AUTS2: variants seen among roughly 807,000 people sequenced by gnomAD.
AUTS2 encodes autism susceptibility gene 2 protein.
A neutral mutation model predicts 112.4 loss-of-function variants in AUTS2; 17 were observed. The ratio of observed to expected loss-of-function variants is 0.15; its 90% CI spans 0.10 to 0.23. The LOEUF is 0.23. Among genes scored for constraint, AUTS2 ranks in the 10% least tolerant of loss-of-function variants. The probability of loss-of-function intolerance (pLI) is 1.00; values close to 1 mark genes in which losing one functional copy is unlikely to be tolerated. For synonymous variants in AUTS2, 751 were observed against 702.7 expected (o/e 1.07, Z -1.09); for missense variants, 1,510 against 1,701.6 (o/e 0.89, Z 1.98).
At chr7:70,658,009 G>A (rs1459481422) in intron 5 of AUTS2, among the ~76,000 whole-genome samples, 1 of 152,140 alleles carries the variant, frequency 6.6e-6, no homozygotes, top group Non-Finnish European at 1.5e-5. Flanking sequence ...TACTCTATCT[G>A]CCCAAGAAAG....
intron 2 of AUTS2, among the ~76,000 whole-genome samples, chr7:69,962,458 AAG>A (rs1408288810): frequency 6.6e-6 from 1 of 152,192 alleles, no homozygotes; most frequent in Non-Finnish European, 1.5e-5. Flanking sequence ...ATGAGTAGGA[AAG>A]AGCATGGGGC....
Position 70,694,663 on chromosome 7 carries a change from C to A in AUTS2, c.691-3906C>A, listed in dbSNP as rs1207894173. On this transcript the variant is annotated intron_variant, in intron 5 of 18. Coordinates refer to ENST00000342771, the MANE Select transcript of AUTS2 (RefSeq NM_015570.4). The surrounding 1 kb of genome is among the most constrained non-coding windows in gnomAD (Gnocchi z 4.1). ...CCGGCCCGGGACGCGCCTTGTTAGCCCCCGCCGCGCCAGCGCGGCCCCGCG... is the reference window on the plus strand; with the variant it reads ...CCGGCCCGGGACGCGCCTTGTTAGCACCCGCCGCGCCAGCGCGGCCCCGCG... 6.8e-6 allele frequency: 1 copy of A among 147,666 alleles called. No homozygotes were observed. Among genetic ancestry groups the A allele is most frequent in the African/African-American group, 2.4e-5 (1 of 40,864 alleles). 9.1% of individuals were successfully genotyped at this position (147,666 alleles called of 1,614,324 possible). A position where few individuals can be genotyped will look rare whatever the true frequency, so the allele number is the denominator to read the frequency against.
intron 1 of AUTS2, among the ~76,000 whole-genome samples, chr7:69,753,351 T>C (rs6460528): frequency 0.63 from 92,439 of 147,086 alleles, 28,694 homozygotes; most frequent in East Asian, 0.78. Context: ...TTCCTGTTGA[T>C]CTGTTTTTTT....
At chr7:69,937,287 G>A (rs1298269522) in intron 2 of AUTS2, among the ~76,000 whole-genome samples, 1 of 152,210 alleles carries the variant, frequency 6.6e-6, no homozygotes, top group Non-Finnish European at 1.5e-5. Flanking sequence ...AAGAGATTAA[G>A]AAGTAGATTT....
At chr7:70,080,064 G>A (rs1236459513) in intron 2 of AUTS2, among the ~76,000 whole-genome samples, 1 of 151,844 alleles carries the variant, frequency 6.6e-6, no homozygotes, top group East Asian at 1.9e-4. Context: ...TTGCACTTGG[G>A]GTTAAGTTTG....
intron 4 of AUTS2, among the ~76,000 whole-genome samples, chr7:70,225,487 A>G (rs546847972): frequency 6.6e-6 from 1 of 152,178 alleles, no homozygotes; most frequent in South Asian, 2.1e-4. Context: ...TTGTCATATG[A>G]AAAGTTGTAA....
chr7:70,774,905 T>G (rs1790589794), intron 12 of AUTS2: 1 of 162,238 alleles, frequency 6.2e-6, no homozygotes, highest in Non-Finnish European at 1.3e-5. Context: ...TGTAAAGTCA[T>G]CAATGTAAGG....
At chr7:70,565,844 T>A (rs1801686981) in intron 5 of AUTS2, among the ~76,000 whole-genome samples, 1 of 152,258 alleles carries the variant, frequency 6.6e-6, no homozygotes, top group African/African-American at 2.4e-5. Flanking sequence ...TCATGGACTC[T>A]GAACCCTTTG....
At chr7:70,414,448 TACTC>T (rs902026201) in intron 4 of AUTS2, among the ~76,000 whole-genome samples, 31 of 152,298 alleles carry the variant, frequency 2.0e-4, no homozygotes, top group African/African-American at 6.7e-4. Context: ...TGGGCACAGA[TACTC>T]AGTCAGCTCT....
At chr7:69,726,047 A>T (rs560748501) in intron 1 of AUTS2, among the ~76,000 whole-genome samples, 47 of 152,190 alleles carry the variant, frequency 3.1e-4, no homozygotes, top group Admixed American at 5.9e-4. Flanking sequence ...TTTTTTTAGG[A>T]TATTGTTTAC....
At chr7:69,842,253 A>G (rs1020100017) in intron 1 of AUTS2, among the ~76,000 whole-genome samples, 5 of 151,264 alleles carry the variant, frequency 3.3e-5, no homozygotes, top group Admixed American at 2.6e-4. Context: ...GGATTTTTTT[A>G]AAAAAAGACT....
intron 4 of AUTS2, among the ~76,000 whole-genome samples, chr7:70,370,636 T>C (rs1279267677): frequency 1.3e-5 from 2 of 152,240 alleles, no homozygotes; most frequent in Non-Finnish European, 2.9e-5. Flanking sequence ...AAAATGCTGT[T>C]ACAAACATTC....
chr7:70,497,344 C>T (rs1230618850), intron 5 of AUTS2, among the ~76,000 whole-genome samples: 1 of 151,874 alleles, frequency 6.6e-6, no homozygotes, highest in Admixed American at 6.6e-5. Context: ...CGTACACAGT[C>T]GCACAGACAC....
chr7:70,311,650 G>T (rs936080145), intron 4 of AUTS2, among the ~76,000 whole-genome samples: 1 of 152,106 alleles, frequency 6.6e-6, no homozygotes, highest in South Asian at 2.1e-4. Context: ...TCTGCCTCCC[G>T]CATTCAAGCG....
At chr7:70,118,269 T>C (rs79512602) in intron 3 of AUTS2, 36 bp downstream of exon 3, 2 of 1,336,382 alleles carry the variant, frequency 1.5e-6, no homozygotes, top group African/African-American at 1.5e-5. Flanking sequence ...AAAAAAAAAT[T>C]AACGAAAACC....
chr7:69,989,853 G>GC (rs765960586), intron 2 of AUTS2, among the ~76,000 whole-genome samples: 6 of 152,144 alleles, frequency 3.9e-5, no homozygotes, highest in Admixed American at 6.5e-5. Context: ...ATCAGCGGCG[G>GC]CATTAGACTC....
chr7:69,683,154 T>C (rs1396154685), intron 1 of AUTS2, among the ~76,000 whole-genome samples: 2 of 152,166 alleles, frequency 1.3e-5, no homozygotes, highest in African/African-American at 4.8e-5. Context: ...GGGGATTGGT[T>C]TGACCAGGCT....
At chr7:70,256,207 T>G (rs986138196) in intron 4 of AUTS2, among the ~76,000 whole-genome samples, 1 of 152,224 alleles carries the variant, frequency 6.6e-6, no homozygotes, top group Non-Finnish European at 1.5e-5. Flanking sequence ...CCCTTCCTCC[T>G]TGATGTTTCT....
chr7:69,756,013 A>T (rs1787931747), intron 1 of AUTS2, among the ~76,000 whole-genome samples: 1 of 152,212 alleles, frequency 6.6e-6, no homozygotes, highest in African/African-American at 2.4e-5. Flanking sequence ...ACCCCCTGCC[A>T]TCTACTGCTT....
Sources: gnomAD v4.1 joint callset for allele counts (sites outside exome capture counted in the v4.1 genomes callset) on GRCh38, gnomAD v4.1.1 for gene constraint, Gnocchi (gnomAD v3.1) non-coding constraint, MANE v1.5 for transcripts, NCBI Gene and HGNC (gene_info 2026-07-23, HGNC 2026-07-21) for gene names.